The following MYO1C variants were observed in gnomAD, a reference collection of about 807,000 sequenced individuals.
MYO1C encodes the protein myosin IC.
Under a neutral mutation model 150.8 loss-of-function variants are expected in MYO1C, and 104 were observed. The ratio of observed to expected loss-of-function variants is 0.69; its 90% CI spans 0.59 to 0.81. The LOEUF (loss-of-function observed/expected upper bound fraction) is 0.81. Ranked by LOEUF, MYO1C falls within the 30% of genes least tolerant of loss-of-function variation. The pLI is 0.00. For synonymous variants in MYO1C, 663 were observed against 579.9 expected (o/e 1.14, Z -2.06); for missense variants, 1,504 against 1,435.0 (o/e 1.05, Z -0.78).
In MYO1C at chr17:1,471,082, C is replaced by T. The variant is rs747822080; in HGVS notation, c.2201G>A (p.Arg734Gln). ...GGCCTCTCTCTCACCCAGGCTCTGC[C>T]GCCGGACCTCCAGGGCATCCTCTGT... The part of the protein sequence containing the change: ...FATEDALEVR[R>Q]QSLATKIQAA... The change falls in exon 21 of 32, where the codon CGG becomes CAG. Residue 734 changes from arginine to glutamine, a missense_variant. Arg to Gln is a conservative substitution (Grantham distance 43). Coordinates refer to ENST00000648651, the MANE Select transcript of MYO1C (RefSeq NM_001080779.2). 13 of 1,613,944 alleles carry T rather than the reference C, an allele frequency of 8.1e-6. No individual in the cohort carries two copies. The highest frequency in any genetic ancestry group is 2.2e-5 in the South Asian group (2 of 91,084).
At chr17:1,480,486 G>C (rs1042344899) in intron 7 of MYO1C, 41 bp downstream of exon 7, 1 of 1,490,824 alleles carries the variant, frequency 6.7e-7, no homozygotes. Context: ...GATTTTGGGG[G>C]TGTGACAGGA....
In MYO1C at chr17:1,480,548, A is replaced by G. The variant is rs750722011; in HGVS notation, c.885T>C (p.Asp295=). Residue 295 remains aspartate (D), a synonymous_variant, in exon 7 of 32, where the codon GAT becomes GAC. Coordinates refer to ENST00000648651, the MANE Select transcript of MYO1C (RefSeq NM_001080779.2). ...KVVRKALTVI[D]FTEDEVEDLL... is the part of the protein sequence containing the mutation. The stretch of plus-strand genomic sequence containing the variant: ...TCACCTCCACTTCATCCTCGGTGAA[A>G]TCAATGACTGTCAGAGCCTTCCTGA... 2.5e-6 allele frequency: 4 copies of G among 1,614,068 alleles called. No homozygotes were observed. The highest frequency in any genetic ancestry group is 3.4e-6 in the Non-Finnish European group (4 of 1,180,032).
intron 25 of MYO1C, 96 bp downstream of exon 25, chr17:1,469,435 C>G (rs1482827010): frequency 8.5e-7 from 1 of 1,178,680 alleles, no homozygotes; most frequent in Non-Finnish European, 1.2e-6. Context: ...ATACGGTAGA[C>G]CGGGGTAAAT....
At chr17:1,469,244 T>C (rs919962868) in intron 25 of MYO1C, 2 of 462,302 alleles carry the variant, frequency 4.3e-6, no homozygotes, top group African/African-American at 2.0e-5. Context: ...GTCAATACTA[T>C]AGACGGGGTA....
In MYO1C at chr17:1,478,299, C is replaced by T. The variant is rs2074442216; in HGVS notation, c.1296-107G>A. On this transcript the variant is annotated intron_variant, in intron 11 of 31. Transcript: ENST00000648651. This position sits in a 1 kb window ranked among gnomAD's most constrained non-coding sequence, Gnocchi z 6.3. Reference sequence around the variant, plus strand: ...GCACAGGAGGTGAGAAACACAGAGACAGTCCCCGGCTGGCTGGGGAGTCAC... The same window carrying T: ...GCACAGGAGGTGAGAAACACAGAGATAGTCCCCGGCTGGCTGGGGAGTCAC... 3.2e-6 allele frequency: 5 copies of T among 1,549,616 alleles called. No individual in the cohort carries two copies. The highest frequency in any genetic ancestry group is 1.1e-5 in the South Asian group (1 of 89,792).
At chr17:1,480,648 T>C in intron 6 of MYO1C, 23 bp from the exon 7 acceptor site, 4 of 1,613,828 alleles carry the variant, frequency 2.5e-6, no homozygotes, top group Non-Finnish European at 3.4e-6. Context: ...CACAGCTGGG[T>C]TGCCAGCCCT....
intron 3 of MYO1C, among the ~76,000 whole-genome samples, 157 bp from the exon 4 acceptor site, chr17:1,483,216 T>G (rs542249862): frequency 2.6e-5 from 4 of 151,474 alleles, no homozygotes; most frequent in Non-Finnish European, 4.4e-5. Context: ...CCATGGGAGA[T>G]CCGTCATAGC....
Position 1,478,600 on chromosome 17 carries a change from T to C in MYO1C, c.1212+16A>G. On this transcript the variant is annotated intron_variant, in intron 10 of 31. Transcript: ENST00000648651. The surrounding 1 kb of genome is among the most constrained non-coding windows in gnomAD (Gnocchi z 6.3). ...CCTCCCTTCTGCCTTGGGAGCAGTG[T>C]GGACCGAGCCCTCACCTTGGAGGCC... 1 of 1,613,936 alleles carries C rather than the reference T, an allele frequency of 6.2e-7. No homozygotes were observed. The highest frequency in any genetic ancestry group is 1.1e-5 in the South Asian group (1 of 91,068).
rs1225721414 is a variant in MYO1C, at chr17:1,478,113, C to G, written c.1375G>C (p.Glu459Gln). ...GCGATGCCCTCTGCCTCGTACTCCTCCTGCTCCGACTTGAGCGTGAGCTCG... is the reference window on the plus strand; with the variant it reads ...GCGATGCCCTCTGCCTCGTACTCCTGCTGCTCCGACTTGAGCGTGAGCTCG... ...FIELTLKSEQ[E>Q]EYEAEGIAWE... Residue 459 changes from glutamate to glutamine, a missense_variant, in exon 12 of 32, where the codon GAG (glutamate) becomes CAG (glutamine). By Grantham distance (29) the Glu-to-Gln change is conservative. Coordinates refer to ENST00000648651, the MANE Select transcript of MYO1C (RefSeq NM_001080779.2). The surrounding 1 kb of genome is among the most constrained non-coding windows in gnomAD (Gnocchi z 6.3). 6.2e-6 allele frequency: 10 copies of G among 1,614,026 alleles called. No homozygotes were observed. The highest frequency in any genetic ancestry group is 7.6e-6 in the Non-Finnish European group (9 of 1,180,062).
At chr17:1,484,910 T>A in intron 1 of MYO1C, 1 of 391,236 alleles carries the variant, frequency 2.6e-6, no homozygotes, top group South Asian at 1.6e-5. Flanking sequence ...CGGTAGAGCG[T>A]CGAGCACCAA....
Position 1,468,825 on chromosome 17 carries a change from A to G in MYO1C, c.2611-329T>C, listed in dbSNP as rs1042410260. ...GTCTTGTAAGCAGCAGATCACTAAT[A>G]CTCAAGGTTACTGGGTGGGCCCTTT... On this transcript the variant is annotated intron_variant, in intron 25 of 31. Coordinates refer to ENST00000648651, the MANE Select transcript of MYO1C (RefSeq NM_001080779.2). 10 of 444,694 alleles carry G rather than the reference A, an allele frequency of 2.2e-5. No individual in the cohort carries two copies. The Admixed American group carries it at 3.1e-4, about 14-fold the overall frequency. The allele number at this position is 444,694 out of a possible 1,614,324, so 27.5% of individuals were successfully genotyped here.
chr17:1,491,094 TCA>T (rs955642583), intron 1 of MYO1C: 1 of 152,166 alleles, frequency 6.6e-6, no homozygotes, highest in African/African-American at 2.4e-5. Flanking sequence ...ACGGTGGGGC[TCA>T]GTCACCCCTT....
At position 1,467,303 on chromosome 17, in the gene MYO1C, A is replaced by G. The variant is rs2074193549; in HGVS notation, c.3104T>C (p.Ile1035Thr). The G allele has an allele frequency of 1.2e-6, 2 of 1,613,618 alleles. No individual in the cohort carries two copies. Among genetic ancestry groups the G allele is most frequent in the Non-Finnish European group, 1.7e-6 (2 of 1,179,866 alleles). Residue 1035 changes from isoleucine to threonine, a missense_variant, in exon 31 of 32, where the codon ATT (isoleucine) becomes ACT (threonine). Transcript: ENST00000648651. Reference protein sequence around the residue: ...FAGGPGRDGTIDFTPGSELLI... With the variant: ...FAGGPGRDGTTDFTPGSELLI... ...CAGCTCCGAGCCGGGTGTGAAGTCA[A>G]TGGTGCCATCCCTGCCGGGGCCCCC...
intron 1 of MYO1C, chr17:1,492,175 G>T (rs1246245935): frequency 3.5e-6 from 2 of 565,174 alleles, no homozygotes; most frequent in East Asian, 3.1e-5. Context: ...GCCCACTGAG[G>T]TTCGGGAAGC....
At position 1,484,302 on chromosome 17, in the gene MYO1C, G is replaced by A; in HGVS notation, c.77C>T (p.Ala26Val). 3 of 1,609,482 alleles carry A rather than the reference G, an allele frequency of 1.9e-6. No homozygotes were observed. The highest frequency in any genetic ancestry group is 2.5e-6 in the Non-Finnish European group (3 of 1,180,002). Residue 26 changes from alanine to valine, a missense_variant and splice_region_variant, in exon 2 of 32, where the codon GCC becomes GTC. By Grantham distance (64) the Ala-to-Val change is moderately conservative. Transcript: ENST00000648651. Reference sequence around the variant, plus strand: ...CACCCGAACCCCGTCACTGCCCAGGGCCTGCAGAGAATGGGCCACAGAAGA... The same window carrying A: ...CACCCGAACCCCGTCACTGCCCAGGACCTGCAGAGAATGGGCCACAGAAGA... ...VVHPHRPCKL[A>V]LGSDGVRVTM...
intron 25 of MYO1C, 140 bp from the exon 26 acceptor site, chr17:1,468,636 C>T: frequency 1.5e-6 from 1 of 689,652 alleles, no homozygotes; most frequent in Non-Finnish European, 2.6e-6. Context: ...AGGCTGAGCC[C>T]TGCCCCCCAC....
chr17:1,487,874 T>C (rs896157361), intron 1 of MYO1C, among the ~76,000 whole-genome samples: 49 of 152,160 alleles, frequency 3.2e-4, no homozygotes, highest in Non-Finnish European at 5.7e-4. Context: ...TGAGCCGAGA[T>C]TGTGCCACTG....
At chr17:1,474,572 CGCATGCA>C in intron 17 of MYO1C, 31 bp downstream of exon 17, 1 of 1,599,820 alleles carries the variant, frequency 6.3e-7, no homozygotes, top group South Asian at 1.1e-5. Flanking sequence ...CACACTCAGG[CGCATGCA>C]CCCCTGCGCC....
Position 1,467,916 on chromosome 17 carries a change from G to T in MYO1C, c.2897-6C>A. ...CAGGCTGCTGACAGAGATTCCTGAG[G>T]GGAGAGGGCAAAGGTCAGAGGTCGA... On this transcript the variant is annotated splice_polypyrimidine_tract_variant and splice_region_variant and intron_variant, in intron 28 of 31. Transcript: ENST00000648651. 6.2e-7 allele frequency: 1 copy of T among 1,612,516 alleles called. No individual in the cohort carries two copies. Among genetic ancestry groups the T allele is most frequent in the Non-Finnish European group, 8.5e-7 (1 of 1,179,748 alleles).
Sources: gnomAD v4.1 joint callset for allele counts (sites outside exome capture counted in the v4.1 genomes callset) on GRCh38, gnomAD v4.1.1 for gene constraint, Gnocchi (gnomAD v3.1) non-coding constraint, MANE v1.5 for transcripts, NCBI Gene and HGNC (gene_info 2026-07-23, HGNC 2026-07-21) for gene names.